ACOT12: variants seen among roughly 807,000 people sequenced by gnomAD.
The protein encoded by ACOT12 is acyl-CoA thioesterase 12.
In ACOT12, 51 loss-of-function variants were observed where a neutral mutation model predicts 67.7. The observed-to-expected ratio is 0.75, with a 90% confidence interval of 0.60 to 0.95. The LOEUF (loss-of-function observed/expected upper bound fraction) is 0.95, where lower values mean the gene tolerates loss of function less well. Among genes scored for constraint, ACOT12 ranks in the 40% least tolerant of loss-of-function variants. The probability of loss-of-function intolerance (pLI) is 0.00; values close to 1 mark genes in which losing one functional copy is unlikely to be tolerated. For synonymous variants in ACOT12, 251 were observed against 244.6 expected, an observed-to-expected ratio of 1.03 and a Z score of -0.24; for missense variants, 734 against 708.1, an observed-to-expected ratio of 1.04 and a Z score of -0.41.
At chr5:81,330,716 A>G in intron 14 of ACOT12, 98 bp downstream of exon 14, 1 of 1,544,866 alleles carries the variant, frequency 6.5e-7, no homozygotes, top group Non-Finnish European at 8.7e-7. Context: ...GTGGACACAA[A>G]TTACAAGATT....
intron 2 of ACOT12, among the ~76,000 whole-genome samples, chr5:81,384,687 T>A (rs1760679522): frequency 6.6e-6 from 1 of 152,180 alleles, no homozygotes; most frequent in Admixed American, 6.5e-5. Flanking sequence ...AAGTCGTTAG[T>A]GATGCATTTC....
At chr5:81,350,769 AT>A (rs899722208) in intron 5 of ACOT12, among the ~76,000 whole-genome samples, 2 of 151,872 alleles carry the variant, frequency 1.3e-5, no homozygotes, top group East Asian at 1.9e-4. Context: ...AAGGGAGAGA[AT>A]TTTTTTTCCC....
downstream of ACOT12, among the ~76,000 whole-genome samples, chr5:81,328,353 T>G (rs1299247895): frequency 1.3e-5 from 2 of 152,200 alleles, no homozygotes; most frequent in African/African-American, 2.4e-5. Context: ...AGAGTATGCT[T>G]CTGTTTCTTG....
intron 7 of ACOT12, 129 bp downstream of exon 7, chr5:81,345,756 A>G: frequency 1.6e-6 from 2 of 1,250,064 alleles, no homozygotes; most frequent in South Asian, 2.9e-5. Flanking sequence ...ATGTTCATGG[A>G]TTTTGAAAAT....
chr5:81,349,405 C>T (rs75595369), intron 5 of ACOT12, among the ~76,000 whole-genome samples: 3,943 of 152,250 alleles, frequency 0.026, 76 homozygotes, highest in African/African-American at 0.056. Context: ...GCTCCAGCCA[C>T]GCTGGTCTTT....
chr5:81,345,136 C>T (rs1164641541), intron 7 of ACOT12, 95 bp from the exon 8 acceptor site: 1 of 1,271,950 alleles, frequency 7.9e-7, no homozygotes, highest in African/African-American at 1.6e-5. Context: ...ACCGCTGCCA[C>T]CTCCTCTAAG....
intron 6 of ACOT12, 50 bp downstream of exon 6, chr5:81,347,724 T>C (rs1228260947): frequency 6.3e-7 from 1 of 1,590,440 alleles, no homozygotes; most frequent in East Asian, 2.2e-5. Context: ...CCCTTTCTAC[T>C]TTCTCCTCAC....
chr5:81,393,371 C>A (rs748191610), intron 1 of ACOT12, among the ~76,000 whole-genome samples: 1 of 152,114 alleles, frequency 6.6e-6, no homozygotes, highest in Non-Finnish European at 1.5e-5. Flanking sequence ...ATTTCCATTA[C>A]GGTAAATGTG....
intron 5 of ACOT12, among the ~76,000 whole-genome samples, chr5:81,351,233 A>C (rs1759543903): frequency 6.6e-6 from 1 of 152,190 alleles, no homozygotes. Context: ...TTTTATTTGA[A>C]GATGTTTTAT....
intron 5 of ACOT12, among the ~76,000 whole-genome samples, chr5:81,349,479 A>G (rs532966760): frequency 6.6e-6 from 1 of 152,042 alleles, no homozygotes; most frequent in African/African-American, 2.4e-5. Flanking sequence ...CCTGCTGTCT[A>G]CGGCAATCCC....
At chr5:81,389,605 G>A (rs751952031) in intron 1 of ACOT12, among the ~76,000 whole-genome samples, 52 of 152,098 alleles carry the variant, frequency 3.4e-4, no homozygotes, top group Non-Finnish European at 7.4e-4. Flanking sequence ...TTGGCTCACT[G>A]CAACCTCCGC....
chr5:81,373,114 C>T (rs954750448), intron 2 of ACOT12, among the ~76,000 whole-genome samples: 21 of 152,264 alleles, frequency 1.4e-4, no homozygotes, highest in East Asian at 3.9e-4. Context: ...CAGCTATCAG[C>T]GAGATCGATG....
intron 2 of ACOT12, among the ~76,000 whole-genome samples, chr5:81,375,957 A>G (rs1380310310): frequency 6.6e-6 from 1 of 152,236 alleles, no homozygotes; most frequent in East Asian, 1.9e-4. Flanking sequence ...AAGGATATTC[A>G]GAACTTGAAC....
intron 11 of ACOT12, among the ~76,000 whole-genome samples, chr5:81,341,763 AT>A (rs1759199669): frequency 6.6e-6 from 1 of 152,162 alleles, no homozygotes; most frequent in Non-Finnish European, 1.5e-5. Flanking sequence ...TATGATCCAA[AT>A]GATGTATGTC....
intron 4 of ACOT12, among the ~76,000 whole-genome samples, chr5:81,361,077 C>CAA (rs71000820): frequency 0.012 from 623 of 51,760 alleles, 20 homozygotes; most frequent in African/African-American, 0.015. Flanking sequence ...GACTCCATCT[C>CAA]AAAAAAAAAA....
intron 13 of ACOT12, among the ~76,000 whole-genome samples, chr5:81,331,372 T>C (rs993576423): frequency 7.9e-5 from 12 of 152,152 alleles, no homozygotes; most frequent in African/African-American, 2.9e-4. Flanking sequence ...ACTCCATCTC[T>C]ACTAAAAATA....
intron 5 of ACOT12, among the ~76,000 whole-genome samples, chr5:81,349,354 G>A (rs1759483316): frequency 6.6e-6 from 1 of 152,116 alleles, no homozygotes; most frequent in Non-Finnish European, 1.5e-5. Flanking sequence ...TGGCCTGCAA[G>A]CCCTGCATTC....
chr5:81,390,955 T>C (rs1326985802), intron 1 of ACOT12, among the ~76,000 whole-genome samples: 2 of 152,216 alleles, frequency 1.3e-5, no homozygotes, highest in Non-Finnish European at 2.9e-5. Flanking sequence ...TTTTGGATAA[T>C]ATCCTAGCCA....
At chr5:81,385,019 C>A (rs1760689802) in intron 2 of ACOT12, among the ~76,000 whole-genome samples, 1 of 152,172 alleles carries the variant, frequency 6.6e-6, no homozygotes. Flanking sequence ...AACTTTCACA[C>A]ATAAAATGTT....
Sources: allele counts gnomAD v4.1 joint callset (sites outside exome capture counted in the v4.1 genomes callset), GRCh38; gene constraint gnomAD v4.1.1; transcripts MANE v1.5; gene names NCBI Gene and HGNC (gene_info 2026-07-23, HGNC 2026-07-21).